The following EMC1 variants were observed in gnomAD, a reference collection of about 807,000 sequenced individuals.
The protein encoded by EMC1 is ER membrane protein complex subunit 1.
Under a neutral mutation model 128.8 loss-of-function variants are expected in EMC1, and 103 were observed. The ratio of observed to expected loss-of-function variants is 0.80; its 90% CI spans 0.68 to 0.94. The LOEUF (loss-of-function observed/expected upper bound fraction) is 0.94, where lower values mean the gene tolerates loss of function less well. Among genes scored for constraint, EMC1 ranks in the 40% least tolerant of loss-of-function variants. EMC1 has a pLI of 0.00. For synonymous variants in EMC1, 442 were observed against 490.4 expected (o/e 0.90, Z 1.30); for missense variants, 1,083 against 1,250.6 (o/e 0.87, Z 2.02).
chr1:19,229,001 G>C (rs564458523), intron 17 of EMC1, among the ~76,000 whole-genome samples: 1 of 152,048 alleles, frequency 6.6e-6, no homozygotes, highest in East Asian at 1.9e-4. Flanking sequence ...CTGAGACTGC[G>C]CCCCTGCACT....
rs756316930 is a variant in EMC1 at position 19,222,740 on chromosome 1, G to C, written c.2471C>G (p.Ser824Cys). ...CTGGGGCAGCTGGGGGCGGTCCAGG[G>C]AGCTGAAGGCGGTGGCGTTGTATTG... ...TEQYNATAFSSLDRPQLPQVL... is the reference protein window; with the variant it reads ...TEQYNATAFSCLDRPQLPQVL... The change falls in exon 20 of 23, where the codon TCC (serine) becomes TGC (cysteine). Residue 824 changes from serine to cysteine, a missense_variant. Transcript: ENST00000477853. 6 of 1,614,178 alleles carry C rather than the reference G, an allele frequency of 3.7e-6. No individual in the cohort carries two copies. Among genetic ancestry groups the C allele is most frequent in the Non-Finnish European group, 5.1e-6 (6 of 1,180,026 alleles).
Position 19,235,964 on chromosome 1 carries a change from T to G in EMC1, c.1310-712A>C, listed in dbSNP as rs1455399454. 2.6e-5 allele frequency among the ~76,000 whole-genome samples: 4 copies of G among 152,238 alleles called. No individual in the cohort carries two copies. The East Asian group carries it at 5.8e-4, about 22-fold the overall frequency. The stretch of plus-strand genomic sequence containing the variant: ...TTCTAGAGAGACTCTTCTCGCTGAC[T>G]CAGGGATTACTACAAGCTCTTGCAT... On this transcript the variant is annotated intron_variant, in intron 12 of 22. Transcript: ENST00000477853.
chr1:19,223,290 A>C, intron 19 of EMC1, 106 bp downstream of exon 19: 7 of 1,041,354 alleles, frequency 6.7e-6, no homozygotes, highest in Non-Finnish European at 1.0e-5. Context: ...CATCCAGGGA[A>C]TTTGAGATCC....
chr1:19,224,205 G>A (rs2093453904), intron 18 of EMC1, among the ~76,000 whole-genome samples: 1 of 152,132 alleles, frequency 6.6e-6, no homozygotes, highest in South Asian at 2.1e-4. Flanking sequence ...CTCAAGCCTT[G>A]AGCATTTCCG....
chr1:19,238,750 T>C (rs754434462), intron 10 of EMC1, 45 bp downstream of exon 10: 6 of 1,368,592 alleles, frequency 4.4e-6, no homozygotes, highest in Middle Eastern at 1.8e-4. Flanking sequence ...TTTGGTGGCC[T>C]CCTGCGTCTC....
intron 2 of EMC1, 122 bp downstream of exon 2, chr1:19,244,784 C>G: frequency 9.2e-7 from 1 of 1,086,736 alleles, no homozygotes; most frequent in Non-Finnish European, 1.4e-6. Context: ...GTATCAGAAT[C>G]CACTAGGAGA....
At chr1:19,238,457 C>A (rs548436526) in intron 10 of EMC1, among the ~76,000 whole-genome samples, 1 of 152,222 alleles carries the variant, frequency 6.6e-6, no homozygotes, top group African/African-American at 2.4e-5. Context: ...TAGATGGAAG[C>A]CACAGCAGGA....
At chr1:19,236,764 T>C (rs1020950270) in intron 12 of EMC1, among the ~76,000 whole-genome samples, 4 of 151,570 alleles carry the variant, frequency 2.6e-5, no homozygotes, top group Non-Finnish European at 5.9e-5. Context: ...GGTCAGGAAT[T>C]CGAGACCAGC....
chr1:19,232,431 C>T lies in EMC1; in HGVS notation c.1782+193G>A, dbSNP rs78422449. ...CCCTACATAGCTGGTGAAGTCACAC[C>T]CACTTTCTAAACAATTCCACATCAG... On this transcript the variant is annotated intron_variant, in intron 15 of 22. Coordinates refer to ENST00000477853, the MANE Select transcript of EMC1 (RefSeq NM_015047.3). Among the ~76,000 whole-genome samples, 5,837 of 152,210 alleles carry T rather than the reference C, an allele frequency of 0.038. 347 individuals are homozygous for T. The highest frequency in any genetic ancestry group is 0.13 in the African/African-American group (5,387 of 41,508).
At chr1:19,242,063 C>T (rs1371485943) in intron 5 of EMC1, among the ~76,000 whole-genome samples, 1 of 152,162 alleles carries the variant, frequency 6.6e-6, no homozygotes, top group Non-Finnish European at 1.5e-5. Context: ...TCAGAAGGCA[C>T]AAAGTACCAT....
chr1:19,238,097 A>G lies in EMC1; in HGVS notation c.1132T>C (p.Tyr378His), dbSNP rs138954068. ...AGCCGCCGACCTGTCTCCACGAGGT[A>G]TAGGTTAATGGTGTAGGTCTGATTG... is the stretch of plus-strand genomic sequence containing the variant. ...CFNQTYTINLYLVETGRRLLD... is the reference protein window; with the variant it reads ...CFNQTYTINLHLVETGRRLLD... The change falls in exon 11 of 23, where the codon TAC (tyrosine) becomes CAC (histidine). Residue 378 changes from tyrosine to histidine, a missense_variant. Tyr to His is a moderately conservative substitution (Grantham distance 83). This residue lies in a region of EMC1 where 544 missense variants were observed against 572.4 expected (regional missense o/e 0.95). Transcript: ENST00000477853. 2 of 1,614,038 alleles carry G rather than the reference A, an allele frequency of 1.2e-6. No homozygotes were observed. Among genetic ancestry groups the G allele is most frequent in the Non-Finnish European group, 1.7e-6 (2 of 1,180,032 alleles).
At chr1:19,242,749 C>T (rs1297345874) in intron 4 of EMC1, among the ~76,000 whole-genome samples, 2 of 152,154 alleles carry the variant, frequency 1.3e-5, no homozygotes, top group African/African-American at 2.4e-5. Flanking sequence ...CTGGACCTAC[C>T]CTCTGCCACA....
chr1:19,229,470 T>C (rs1410737011), intron 17 of EMC1: 2 of 152,216 alleles, frequency 1.3e-5, no homozygotes, highest in Non-Finnish European at 2.9e-5. Flanking sequence ...CTGCCTCCTT[T>C]GTCTTCCTTG....
chr1:19,250,139 A>G (rs2093650830), intron 1 of EMC1, among the ~76,000 whole-genome samples: 1 of 143,758 alleles, frequency 7.0e-6, no homozygotes, highest in Non-Finnish European at 1.5e-5. Context: ...AATCGCTTGA[A>G]CCCCAGAGGC....
At chr1:19,231,186 G>C in intron 16 of EMC1, 75 bp downstream of exon 16, 1 of 1,488,350 alleles carries the variant, frequency 6.7e-7, no homozygotes, top group Non-Finnish European at 9.1e-7. Context: ...CTCCATCTCC[G>C]GGCCGCTGTG....
intron 18 of EMC1, among the ~76,000 whole-genome samples, chr1:19,223,961 C>T (rs2093451597): frequency 6.6e-6 from 1 of 152,122 alleles, no homozygotes; most frequent in South Asian, 2.1e-4. Context: ...TGAGGGTCAC[C>T]ACCCCCCTCC....
At chr1:19,220,714 G>T in intron 21 of EMC1, 50 bp downstream of exon 21, 1 of 1,413,108 alleles carries the variant, frequency 7.1e-7, no homozygotes, top group Non-Finnish European at 9.9e-7. Context: ...AATCAGTGAG[G>T]TTAAGTTATG....
intron 2 of EMC1, among the ~76,000 whole-genome samples, chr1:19,244,235 C>T (rs1349555495): frequency 6.6e-6 from 1 of 152,104 alleles, no homozygotes; most frequent in Non-Finnish European, 1.5e-5. Context: ...ACTACCACCC[C>T]ATCAAACATA....
chr1:19,222,512 T>A (rs1332249991), intron 20 of EMC1, 112 bp downstream of exon 20: 2 of 916,256 alleles, frequency 2.2e-6, no homozygotes, highest in Non-Finnish European at 3.5e-6. Context: ...CTCACCACCT[T>A]TCCCTTACAG....
Sources: gnomAD v4.1 joint callset for allele counts (sites outside exome capture counted in the v4.1 genomes callset) on GRCh38, gnomAD v4.1.1 for gene constraint, gnomAD v4.1.1 regional missense constraint, MANE v1.5 for transcripts, NCBI Gene and HGNC (gene_info 2026-07-23, HGNC 2026-07-21) for gene names.